Variants in DYNC2H1 observed in about 807,000 individuals in gnomAD.
DYNC2H1 encodes cytoplasmic dynein 2 heavy chain 1.
Under a neutral mutation model 570.0 loss-of-function variants are expected in DYNC2H1, and 410 were observed. The observed-to-expected ratio is 0.72, with a 90% CI of 0.66 to 0.78. DYNC2H1 has a LOEUF of 0.78. Among genes scored for constraint, DYNC2H1 ranks in the 30% least tolerant of loss-of-function variants. The pLI, the probability that DYNC2H1 is intolerant of heterozygous loss-of-function variation, is 0.00. For synonymous variants in DYNC2H1, 1,688 were observed against 1,677.6 expected (o/e 1.01, Z -0.15); for missense variants, 4,865 against 5,046.4 (o/e 0.96, Z 1.09).
At chr11:103,340,742 C>G (rs11225732) in intron 82 of DYNC2H1, among the ~76,000 whole-genome samples, 32,987 of 151,976 alleles carry the variant, frequency 0.22, 3,716 homozygotes, top group Admixed American at 0.31. Flanking sequence ...TTTTAGTACA[C>G]CTTTCGTAAC....
rs1945428581 is a variant in DYNC2H1 at position 103,472,785 on chromosome 11, T to G, written c.12765+4080T>G. Among the ~76,000 whole-genome samples the G allele has an allele frequency of 6.6e-6, 1 of 152,176 alleles. No individual in the cohort carries two copies. Among genetic ancestry groups the G allele is most frequent in the South Asian group, 2.1e-4 (1 of 4,830 alleles). ...GTTTAAAAGATTATGTATTATTATA[T>G]GATAATAATAAAATTCAGAACTTTG... On this transcript the variant is annotated intron_variant, in intron 88 of 88. Transcript: ENST00000375735. This position sits in a 1 kb window ranked among gnomAD's most constrained non-coding sequence, Gnocchi z 4.1.
Position 103,253,260 on chromosome 11 carries a change from C to A in DYNC2H1, c.10043-25C>A, listed in dbSNP as rs771187049. The A allele has an allele frequency of 8.2e-6, 13 of 1,591,684 alleles. No homozygotes were observed. In the Admixed American group the frequency reaches 1.9e-4, roughly 23 times the overall value. ...GTGAAATACAGAAGATTCAGACCAA[C>A]CAATTGTGTGTTTTTTTTAAATAGG... On this transcript the variant is annotated intron_variant, in intron 65 of 88. Coordinates refer to ENST00000375735, the MANE Select transcript of DYNC2H1 (RefSeq NM_001377.3).
At position 103,259,899 on chromosome 11, in the gene DYNC2H1, T is replaced by C. The variant is rs1349520800; in HGVS notation, c.10617T>C (p.Asn3539=). The change falls in exon 70 of 89, where the codon AAT becomes AAC. Residue 3539 remains asparagine (N), a synonymous_variant. Transcript: ENST00000375735. The part of the protein sequence containing the change: ...RALQNKQDSE[N]TEQRIQSLIS... Reference sequence around the variant, plus strand: ...ATTATAATCTACAGGATTCTGAAAATACAGAACAGAGAATCCAGTCACTTA... The same window carrying C: ...ATTATAATCTACAGGATTCTGAAAACACAGAACAGAGAATCCAGTCACTTA... The C allele has an allele frequency of 9.1e-6, 14 of 1,534,138 alleles. No individual in the cohort carries two copies. Among genetic ancestry groups the C allele is most frequent in the East Asian group, 2.5e-5 (1 of 40,750 alleles).
At chr11:103,132,919 C>T (rs1049654872) in intron 13 of DYNC2H1, among the ~76,000 whole-genome samples, 1 of 152,024 alleles carries the variant, frequency 6.6e-6, no homozygotes, top group Non-Finnish European at 1.5e-5. Flanking sequence ...GGCAGATTCA[C>T]ACCACTGTGA....
intron 74 of DYNC2H1, among the ~76,000 whole-genome samples, chr11:103,286,809 T>G (rs61898237): frequency 0.14 from 21,065 of 152,068 alleles, 1,727 homozygotes; most frequent in Admixed American, 0.24. Context: ...TTTTTGCTAG[T>G]CAAAAAGCTT....
At chr11:103,459,700 C>A (rs61904792) in intron 87 of DYNC2H1, among the ~76,000 whole-genome samples, 22,057 of 151,758 alleles carry the variant, frequency 0.15, 1,785 homozygotes, top group Admixed American at 0.24. Flanking sequence ...CGCCTGTAAT[C>A]CCAGCACTTT....
rs1350266071 is a variant in DYNC2H1 at position 103,261,577 on chromosome 11, C to A, written c.10695+1600C>A. ...AACAGGGTCAGGAGTGGACCTCCTGCAAAGTCCAGCAGACCTGCAGCAGAG... is the reference window on the plus strand; with the variant it reads ...AACAGGGTCAGGAGTGGACCTCCTGAAAAGTCCAGCAGACCTGCAGCAGAG... On this transcript the variant is annotated intron_variant, in intron 70 of 88. Transcript: ENST00000375735. The surrounding 1 kb of genome is among the most constrained non-coding windows in gnomAD (Gnocchi z 4.8). Among the ~76,000 whole-genome samples the A allele has an allele frequency of 6.6e-6, 1 of 152,154 alleles. No homozygotes were observed. Among genetic ancestry groups the A allele is most frequent in the Non-Finnish European group, 1.5e-5 (1 of 68,016 alleles).
At chr11:103,323,759 G>A in intron 81 of DYNC2H1, 127 bp from the exon 82 acceptor site, 3 of 719,428 alleles carry the variant, frequency 4.2e-6, no homozygotes, top group Non-Finnish European at 6.4e-6. Context: ...CATACAAAGT[G>A]AGATTTATCT....
At chr11:103,110,165 G>A (rs749468981) in intron 1 of DYNC2H1, among the ~76,000 whole-genome samples, 1 of 151,868 alleles carries the variant, frequency 6.6e-6, no homozygotes, top group South Asian at 2.1e-4. Flanking sequence ...AGTAGCAGGC[G>A]CGCGCCGCCA....
intron 55 of DYNC2H1, among the ~76,000 whole-genome samples, chr11:103,216,416 G>A (rs1384522629): frequency 6.6e-6 from 1 of 151,922 alleles, no homozygotes; most frequent in Non-Finnish European, 1.5e-5. Flanking sequence ...TCATTATATT[G>A]CTCTTACTAC....
intron 83 of DYNC2H1, among the ~76,000 whole-genome samples, chr11:103,373,385 TTTTTGACTCTGA>T (rs372801735): frequency 7.4e-6 from 1 of 134,876 alleles, no homozygotes; most frequent in Non-Finnish European, 1.7e-5. Context: ...AATGTCCTCT[TTTTTGACTCTGA>T]TTTTGAGTCT....
chr11:103,152,358 C>A, intron 21 of DYNC2H1, 73 bp downstream of exon 21: 1 of 1,361,816 alleles, frequency 7.3e-7, no homozygotes. Context: ...ATCTTTTATT[C>A]CTTTATAGCC....
rs111255263 is a variant in DYNC2H1, at chr11:103,167,320, T to G, written c.4762+1272T>G. 3.8e-3 allele frequency among the ~76,000 whole-genome samples: 581 copies of G among 151,784 alleles called. 4 individuals carry two copies. Among genetic ancestry groups the G allele is most frequent in the African/African-American group, 0.013 (549 of 41,392 alleles). On this transcript the variant is annotated intron_variant, in intron 31 of 88. Transcript: ENST00000375735. ...TCTTGCTCTGTTATCCAGGCTGGAG[T>G]GCAGTGGTGAGACTGTGGCTCACTG...
intron 21 of DYNC2H1, 31 bp from the exon 22 acceptor site, chr11:103,153,272 A>G: frequency 6.7e-7 from 1 of 1,494,196 alleles, no homozygotes; most frequent in Non-Finnish European, 8.9e-7. Flanking sequence ...TTTACTCTGC[A>G]TTAAATTATT....
chr11:103,282,367 T>G (rs1866176693), intron 72 of DYNC2H1, 138 bp downstream of exon 72: 1 of 715,740 alleles, frequency 1.4e-6, no homozygotes. Flanking sequence ...TATTCTGGCC[T>G]CTTAAGTATT....
At position 103,255,468 on chromosome 11, in the gene DYNC2H1, A is replaced by C; in HGVS notation, c.10260A>C (p.Thr3420=). 1 of 1,570,474 alleles carries C rather than the reference A, an allele frequency of 6.4e-7. No homozygotes were observed. The highest frequency in any genetic ancestry group is 1.2e-5 in the South Asian group (1 of 85,148). ...HEKPDLEEQK[T]KLLQQEEDKK... ...AACCTGATTTAGAAGAACAGAAAAC[A>C]AAACTATTACAACAGGAAGAAGATA... Residue 3420 remains threonine (T), a synonymous_variant, in exon 67 of 89, where the codon ACA becomes ACC. Coordinates refer to ENST00000375735, the MANE Select transcript of DYNC2H1 (RefSeq NM_001377.3).
chr11:103,361,483 C>T (rs1159066252), intron 83 of DYNC2H1, among the ~76,000 whole-genome samples: 2 of 102,538 alleles, frequency 2.0e-5, no homozygotes, highest in Non-Finnish European at 5.1e-5. Flanking sequence ...CCAGAACAGA[C>T]TAAGACAGGG....
In DYNC2H1 at chr11:103,369,632, A is replaced by T. The variant is rs1941061860; in HGVS notation, c.12156+11273A>T. 1.3e-5 allele frequency among the ~76,000 whole-genome samples: 2 copies of T among 152,168 alleles called. No homozygotes were observed. The highest frequency in any genetic ancestry group is 2.9e-5 in the Non-Finnish European group (2 of 68,026). ...CATCTTGGATACCAGCTCAGCCACAACAGGATAGGGAACCAGTCAAAGTTG... is the reference window on the plus strand; with the variant it reads ...CATCTTGGATACCAGCTCAGCCACATCAGGATAGGGAACCAGTCAAAGTTG... On this transcript the variant is annotated intron_variant, in intron 83 of 88. Transcript: ENST00000375735. This position sits in a 1 kb window ranked among gnomAD's most constrained non-coding sequence, Gnocchi z 4.0.
chr11:103,117,283 T>C (rs1052891750), intron 5 of DYNC2H1, among the ~76,000 whole-genome samples: 11 of 147,616 alleles, frequency 7.5e-5, no homozygotes, highest in Admixed American at 6.8e-4. Flanking sequence ...TTTTAATATA[T>C]ATATTTTTAT....
Sources: gnomAD v4.1 joint callset for allele counts (sites outside exome capture counted in the v4.1 genomes callset) on GRCh38, gnomAD v4.1.1 for gene constraint, Gnocchi (gnomAD v3.1) non-coding constraint, MANE v1.5 for transcripts, NCBI Gene and HGNC (gene_info 2026-07-23, HGNC 2026-07-21) for gene names.